Variants in PIK3C2A observed in about 807,000 individuals in gnomAD.
The protein encoded by PIK3C2A is phosphatidylinositol-4-phosphate 3-kinase catalytic subunit type 2 alpha.
Under a neutral mutation model 204.5 loss-of-function variants are expected in PIK3C2A, and 97 were observed. The ratio of observed to expected loss-of-function variants is 0.47; its 90% CI spans 0.40 to 0.56. The LOEUF (loss-of-function observed/expected upper bound fraction) is 0.56, where lower values mean the gene tolerates loss of function less well. Ranked by LOEUF, PIK3C2A falls within the 20% of genes least tolerant of loss-of-function variation. The pLI, the probability that PIK3C2A is intolerant of heterozygous loss-of-function variation, is 0.00. For synonymous variants in PIK3C2A, 653 were observed against 664.4 expected (o/e 0.98, Z 0.26); for missense variants, 1,735 against 1,969.2 (o/e 0.88, Z 2.25).
At chr11:17,184,067 T>C (rs568439290) in intron 1 of PIK3C2A, among the ~76,000 whole-genome samples, 1 of 152,098 alleles carries the variant, frequency 6.6e-6, no homozygotes, top group African/African-American at 2.4e-5. Context: ...TTACAGTGAG[T>C]TATATGATCA....
rs1263201026 is a variant in PIK3C2A, at chr11:17,119,243, C to A, written c.2917G>T (p.Asp973Tyr). Residue 973 changes from aspartate to tyrosine, a missense_variant, in exon 17 of 33, where the codon GAT becomes TAT. Physicochemically the swap from Asp to Tyr is radical, Grantham distance 160. This residue lies in a region of PIK3C2A where 567 missense variants were observed against 576.0 expected (regional missense o/e 0.98). Coordinates refer to ENST00000691414, the MANE Select transcript of PIK3C2A (RefSeq NM_002645.4). The stretch of plus-strand genomic sequence containing the variant: ...ACTTGTACAAACTGTGGAAGAAGAT[C>A]TGTTAGCTCATCATCACTAATGGCC... ...IEAISDDELT[D>Y]LLPQFVQALK... 7.5e-6 allele frequency: 12 copies of A among 1,598,224 alleles called. No homozygotes were observed. Among genetic ancestry groups the A allele is most frequent in the Middle Eastern group, 3.3e-4 (2 of 6,060 alleles).
intron 2 of PIK3C2A, among the ~76,000 whole-genome samples, chr11:17,168,394 A>T (rs1201679338): frequency 6.6e-6 from 1 of 152,150 alleles, no homozygotes. Context: ...ATTCTTGCTA[A>T]CACAGTGAAA....
chr11:17,114,562 T>A, intron 19 of PIK3C2A, 97 bp from the exon 20 acceptor site: 1 of 620,154 alleles, frequency 1.6e-6, no homozygotes, highest in East Asian at 2.6e-5. Context: ...AAATGCCCAG[T>A]TGTCAAACGG....
At chr11:17,116,715 G>A (rs906216521) in intron 19 of PIK3C2A, among the ~76,000 whole-genome samples, 12 of 151,476 alleles carry the variant, frequency 7.9e-5, no homozygotes, top group African/African-American at 1.5e-4. Flanking sequence ...TCAGCCTCCC[G>A]AGCAGCTGGG....
chr11:17,122,532 T>A lies in PIK3C2A; in HGVS notation c.2511+170A>T, dbSNP rs116951398. ...TACATATTTCTTGGGATAAGTACAGTGCATGTTTTACTGCTTCTCAGAAAT... is the reference window on the plus strand; with the variant it reads ...TACATATTTCTTGGGATAAGTACAGAGCATGTTTTACTGCTTCTCAGAAAT... On this transcript the variant is annotated intron_variant, in intron 14 of 32. Transcript: ENST00000691414. Among the ~76,000 whole-genome samples, 767 of 152,270 alleles carry A rather than the reference T, an allele frequency of 5.0e-3. 4 individuals are homozygous for A. The highest frequency in any genetic ancestry group is 7.9e-3 in the South Asian group (38 of 4,826).
At chr11:17,153,288 A>T (rs1434633265) in intron 3 of PIK3C2A, among the ~76,000 whole-genome samples, 3 of 152,152 alleles carry the variant, frequency 2.0e-5, no homozygotes, top group Admixed American at 1.3e-4. Context: ...AAAAAAAATT[A>T]GCTGAGCATG....
chr11:17,169,002 T>A lies in PIK3C2A; in HGVS notation c.740A>T (p.Glu247Val). 1 of 1,613,712 alleles carries A rather than the reference T, an allele frequency of 6.2e-7. No individual in the cohort carries two copies. The highest frequency in any genetic ancestry group is 8.5e-7 in the Non-Finnish European group (1 of 1,179,902). Residue 247 changes from glutamate to valine, a missense_variant, in exon 2 of 33, where the codon GAG becomes GTG. Coordinates refer to ENST00000691414, the MANE Select transcript of PIK3C2A (RefSeq NM_002645.4). ...ATTGCTGACTTTTGAATCTGTTATC[T>A]CCAAATCAGTCCTTGCTTTCCCATT... is the stretch of plus-strand genomic sequence containing the variant. The part of the protein sequence containing the change: ...LKNGKARTDL[E>V]ITDSKVSNLQ...
chr11:17,169,658 T>A lies in PIK3C2A; in HGVS notation c.84A>T (p.Lys28Asn), dbSNP rs984671252. The A allele has an allele frequency of 3.7e-6, 6 of 1,613,220 alleles. No individual in the cohort carries two copies. Among genetic ancestry groups the A allele is most frequent in the Non-Finnish European group, 5.1e-6 (6 of 1,180,024 alleles). ...CTGCTTCCATCTGTAATGCTTCTTC[T>A]TTGTCCACATCTTTTGCTCTTGTTG... ...PEPTRAKDVD[K>N]EEALQMEAEA... is the part of the protein sequence containing the mutation. The change falls in exon 2 of 33, where the codon AAA becomes AAT. Residue 28 changes from lysine (K) to asparagine (N), a missense_variant. Physicochemically the swap from Lys to Asn is moderately conservative, Grantham distance 94. This residue lies in a region of PIK3C2A where 536 missense variants were observed against 546.7 expected (regional missense o/e 0.98). Transcript: ENST00000691414.
rs145772472 is a variant in PIK3C2A at position 17,133,596 on chromosome 11, T to C, written c.2108+1223A>G. On this transcript the variant is annotated intron_variant, in intron 11 of 32. Coordinates refer to ENST00000691414, the MANE Select transcript of PIK3C2A (RefSeq NM_002645.4). ...CTATAAAACTATTTCACTAAAAATA[T>C]TTCTGACTTTTCAGTTCATACATTG... Among the ~76,000 whole-genome samples the C allele has an allele frequency of 3.0e-4, 45 of 152,298 alleles. No individual in the cohort carries two copies. In the East Asian group the frequency reaches 7.7e-3, roughly 26 times the overall value.
intron 8 of PIK3C2A, among the ~76,000 whole-genome samples, chr11:17,139,377 G>A (rs1285929476): frequency 6.6e-6 from 1 of 151,906 alleles, no homozygotes; most frequent in Non-Finnish European, 1.5e-5. Context: ...ACAAGCATGT[G>A]CCACCATGCC....
At position 17,089,831 on chromosome 11, in the gene PIK3C2A, A is replaced by C; in HGVS notation, c.4968T>G (p.Phe1656Leu). ...AAGGCAGGGTTACTCCACCCAAGAAAAAATTCTCCCGCAGAGATTCTGCAC... is the reference window on the plus strand; with the variant it reads ...AAGGCAGGGTTACTCCACCCAAGAACAAATTCTCCCGCAGAGATTCTGCAC... ...VLSAESLREN[F>L]FLGGVTLPLK... Residue 1656 changes from phenylalanine (F) to leucine (L), a missense_variant, in exon 33 of 33, where the codon TTT (phenylalanine) becomes TTG (leucine). Around this residue, in one of 6 missense-constraint regions of PIK3C2A, gnomAD observed 503 missense variants for 669.0 expected, o/e 0.75. Transcript: ENST00000691414. 6.2e-7 allele frequency: 1 copy of C among 1,614,040 alleles called. No individual in the cohort carries two copies. The highest frequency in any genetic ancestry group is 8.5e-7 in the Non-Finnish European group (1 of 1,179,904).
At position 17,168,825 on chromosome 11, in the gene PIK3C2A, G is replaced by C; in HGVS notation, c.917C>G (p.Ala306Gly). Residue 306 changes from alanine to glycine, a missense_variant, in exon 2 of 33, where the codon GCT becomes GGT. Ala to Gly is a moderately conservative substitution (Grantham distance 60). Around this residue, in one of 6 missense-constraint regions of PIK3C2A, gnomAD observed 536 missense variants for 546.7 expected, o/e 0.98. Coordinates refer to ENST00000691414, the MANE Select transcript of PIK3C2A (RefSeq NM_002645.4). ...TGTCGATCTCTCTTCAAGAAGAACA[G>C]CATCCCAAGGATCCTTTGCTAGCAA... Reference protein sequence around the residue: ...SSLLAKDPWDAVLLEERSTAN... With the variant: ...SSLLAKDPWDGVLLEERSTAN... The C allele has an allele frequency of 1.2e-6, 2 of 1,614,062 alleles. No individual in the cohort carries two copies. Among genetic ancestry groups the C allele is most frequent in the Non-Finnish European group, 1.7e-6 (2 of 1,179,988 alleles).
intron 1 of PIK3C2A, among the ~76,000 whole-genome samples, chr11:17,207,191 C>T (rs1386526035): frequency 6.6e-6 from 1 of 152,106 alleles, no homozygotes; most frequent in Non-Finnish European, 1.5e-5. Context: ...TTTATGATTC[C>T]TCCGTCACTC....
In PIK3C2A at chr11:17,105,318, A is replaced by C; in HGVS notation, c.3545-13T>G. 1 of 1,593,462 alleles carries C rather than the reference A, an allele frequency of 6.3e-7. No individual in the cohort carries two copies. Among genetic ancestry groups the C allele is most frequent in the Non-Finnish European group, 8.5e-7 (1 of 1,172,070 alleles). ...AGCTCCACCATGCCTTTAATGATAA[A>C]ATATTAAGCTATGTAAAACTGTCTC... is the stretch of plus-strand genomic sequence containing the variant. On this transcript the variant is annotated splice_polypyrimidine_tract_variant and intron_variant, in intron 22 of 32. Transcript: ENST00000691414.
At chr11:17,135,073 G>A (rs1287323895) in intron 10 of PIK3C2A, 38 bp downstream of exon 10, 9 of 1,611,348 alleles carry the variant, frequency 5.6e-6, no homozygotes, top group South Asian at 3.3e-5. Context: ...CTGAAAAGGC[G>A]ATGATTATTG....
Position 17,135,106 on chromosome 11 carries a change from C to A in PIK3C2A, c.1897+5G>T. On this transcript the variant is annotated splice_donor_5th_base_variant and intron_variant, in intron 10 of 32. Coordinates refer to ENST00000691414, the MANE Select transcript of PIK3C2A (RefSeq NM_002645.4). ...TTGCTAAAATTTAAAGATTTAAACACATACCCCTAGTTGAACTCCTGCTAG... is the reference window on the plus strand; with the variant it reads ...TTGCTAAAATTTAAAGATTTAAACAAATACCCCTAGTTGAACTCCTGCTAG... 1 of 1,613,842 alleles carries A rather than the reference C, an allele frequency of 6.2e-7. No individual in the cohort carries two copies. Among genetic ancestry groups the A allele is most frequent in the Non-Finnish European group, 8.5e-7 (1 of 1,179,794 alleles).
At chr11:17,181,079 G>A (rs1268685611) in intron 1 of PIK3C2A, among the ~76,000 whole-genome samples, 1 of 151,808 alleles carries the variant, frequency 6.6e-6, no homozygotes, top group Non-Finnish European at 1.5e-5. Context: ...AGGTATTAGA[G>A]GTGGCGGGAC....
intron 1 of PIK3C2A, among the ~76,000 whole-genome samples, chr11:17,199,113 C>T (rs1388874405): frequency 3.5e-5 from 5 of 143,842 alleles, no homozygotes; most frequent in East Asian, 2.2e-4. Flanking sequence ...AGTGAGACAC[C>T]GTCTCAAGAA....
intron 1 of PIK3C2A, among the ~76,000 whole-genome samples, chr11:17,172,890 T>C (rs1851223893): frequency 6.6e-6 from 1 of 152,230 alleles, no homozygotes; most frequent in African/African-American, 2.4e-5. Context: ...CTTCTCCATA[T>C]TGAAGGGGGG....
Sources: gnomAD v4.1 joint callset for allele counts (sites outside exome capture counted in the v4.1 genomes callset) on GRCh38, gnomAD v4.1.1 for gene constraint, gnomAD v4.1.1 regional missense constraint, MANE v1.5 for transcripts, NCBI Gene and HGNC (gene_info 2026-07-23, HGNC 2026-07-21) for gene names.